COX7B2: variants seen among roughly 807,000 people sequenced by gnomAD.
COX7B2 encodes the protein cytochrome c oxidase subunit 7B2, mitochondrial.
For missense variants in COX7B2, 109 were observed against 95.9 expected (o/e 1.14, Z -0.57); for synonymous variants, 37 against 32.1 (o/e 1.15, Z -0.51).
intron 2 of COX7B2, among the ~76,000 whole-genome samples, chr4:46,808,651 T>C (rs1364007879): frequency 6.6e-6 from 1 of 151,866 alleles, no homozygotes; most frequent in African/African-American, 2.4e-5. Flanking sequence ...TTTCTCCCCA[T>C]TGATTATAAT....
intron 1 of COX7B2, among the ~76,000 whole-genome samples, chr4:46,886,645 GA>G (rs1719101798): frequency 6.6e-6 from 1 of 151,984 alleles, no homozygotes; most frequent in African/African-American, 2.4e-5. Flanking sequence ...TTTGACCTAA[GA>G]AAAGCAACTA....
At chr4:46,894,769 A>G (rs550213070) in intron 1 of COX7B2, among the ~76,000 whole-genome samples, 1 of 152,322 alleles carries the variant, frequency 6.6e-6, no homozygotes, top group East Asian at 1.9e-4. Flanking sequence ...CAGCATCTAT[A>G]AGGAACTTAA....
chr4:46,778,437 C>T lies in COX7B2; in HGVS notation c.-49-43196G>A, dbSNP rs915924396. Among the ~76,000 whole-genome samples the T allele has an allele frequency of 1.2e-4, 18 of 152,062 alleles. No individual in the cohort carries two copies. In the East Asian group the frequency reaches 3.3e-3, roughly 28 times the overall value. ...TTGGTATTTTCTTATGGTAACACTGCATTTCTAGGTAAATGCATGCAGGGT... is the reference window on the plus strand; with the variant it reads ...TTGGTATTTTCTTATGGTAACACTGTATTTCTAGGTAAATGCATGCAGGGT... On this transcript the variant is annotated intron_variant, in intron 2 of 2. Transcript: ENST00000355591.
At chr4:46,785,546 G>A (rs1717709505) in intron 2 of COX7B2, among the ~76,000 whole-genome samples, 1 of 151,918 alleles carries the variant, frequency 6.6e-6, no homozygotes, top group Non-Finnish European at 1.5e-5. Flanking sequence ...CTATGATACA[G>A]CAATTTGATG....
chr4:46,741,440 A>C (rs1409024933), intron 2 of COX7B2, among the ~76,000 whole-genome samples: 1 of 152,042 alleles, frequency 6.6e-6, no homozygotes, highest in African/African-American at 2.4e-5. Flanking sequence ...ACCTTGCTAA[A>C]TGTTACCTAG....
intron 2 of COX7B2, among the ~76,000 whole-genome samples, chr4:46,742,940 T>G (rs1411622542): frequency 6.6e-6 from 1 of 152,222 alleles, no homozygotes; most frequent in Non-Finnish European, 1.5e-5. Flanking sequence ...AGGCAGTTTC[T>G]TTTATGGAGC....
chr4:46,830,920 C>T (rs1158054227), intron 2 of COX7B2, among the ~76,000 whole-genome samples: 3 of 152,220 alleles, frequency 2.0e-5, no homozygotes, highest in Admixed American at 6.5e-5. Context: ...GCCTCCTAGG[C>T]GTCGGCGCCC....
chr4:46,900,151 A>G (rs569558296), intron 1 of COX7B2, among the ~76,000 whole-genome samples: 3 of 152,308 alleles, frequency 2.0e-5, no homozygotes, highest in Admixed American at 1.3e-4. Context: ...GGGATAGTTT[A>G]CCTAGTTACT....
chr4:46,804,453 G>T (rs1718864170), intron 2 of COX7B2, among the ~76,000 whole-genome samples: 1 of 152,002 alleles, frequency 6.6e-6, no homozygotes, highest in Non-Finnish European at 1.5e-5. Context: ...GTTGTGACAG[G>T]GTGCTGATTG....
At chr4:46,755,154 G>T (rs965264524) in intron 2 of COX7B2, among the ~76,000 whole-genome samples, 1 of 151,828 alleles carries the variant, frequency 6.6e-6, no homozygotes, top group Admixed American at 6.6e-5. Flanking sequence ...AATAAATGCT[G>T]TACATCACAT....
intron 1 of COX7B2, among the ~76,000 whole-genome samples, chr4:46,881,193 G>A (rs1028722438): frequency 5.3e-5 from 8 of 152,224 alleles, no homozygotes; most frequent in South Asian, 2.1e-4. Flanking sequence ...AAGACCTGAC[G>A]ACATGTGCCC....
At chr4:46,749,478 T>A (rs1715217917) in intron 2 of COX7B2, among the ~76,000 whole-genome samples, 1 of 152,042 alleles carries the variant, frequency 6.6e-6, no homozygotes, top group African/African-American at 2.4e-5. Flanking sequence ...ACATCCACAA[T>A]GAAAACTCTT....
intron 2 of COX7B2, among the ~76,000 whole-genome samples, chr4:46,760,987 C>T (rs1162193510): frequency 1.3e-5 from 2 of 152,148 alleles, no homozygotes; most frequent in African/African-American, 4.8e-5. Context: ...TCCTACTGGA[C>T]TTCCTGGGGA....
chr4:46,737,150 C>A (rs916254418), intron 2 of COX7B2, among the ~76,000 whole-genome samples: 3 of 152,072 alleles, frequency 2.0e-5, no homozygotes, highest in African/African-American at 4.8e-5. Flanking sequence ...CCATTCTAAT[C>A]GGTAAATAGG....
chr4:46,763,522 G>A lies in COX7B2; in HGVS notation c.-49-28281C>T, dbSNP rs114922033. ...AAACATGGCCTCCCATTCTGCTTCT[G>A]ACCATTTCTATTAAGTTCATGCACA... On this transcript the variant is annotated intron_variant, in intron 2 of 2. Transcript: ENST00000355591. Among the ~76,000 whole-genome samples the A allele has an allele frequency of 3.7e-3, 554 of 151,742 alleles. 4 individuals carry two copies. Among genetic ancestry groups the A allele is most frequent in the African/African-American group, 0.013 (528 of 41,376 alleles).
At chr4:46,740,658 T>G (rs1217258368) in intron 2 of COX7B2, among the ~76,000 whole-genome samples, 1 of 151,968 alleles carries the variant, frequency 6.6e-6, no homozygotes, top group Non-Finnish European at 1.5e-5. Flanking sequence ...ATGCCAAAAA[T>G]TTAAGATGTT....
At chr4:46,771,993 T>C (rs1334422094) in intron 2 of COX7B2, among the ~76,000 whole-genome samples, 2 of 152,152 alleles carry the variant, frequency 1.3e-5, no homozygotes, top group South Asian at 4.1e-4. Context: ...AACCTGTATC[T>C]CTTTCACTGT....
intron 1 of COX7B2, among the ~76,000 whole-genome samples, chr4:46,898,098 C>T (rs543229417): frequency 2.6e-5 from 4 of 152,236 alleles, no homozygotes; most frequent in Admixed American, 2.6e-4. Flanking sequence ...GTATCTCCTC[C>T]CTAGAATCCC....
intron 2 of COX7B2, among the ~76,000 whole-genome samples, chr4:46,832,162 C>T (rs1335857376): frequency 6.6e-6 from 1 of 152,154 alleles, no homozygotes; most frequent in African/African-American, 2.4e-5. Context: ...TCGCTCTTTG[C>T]TATAAATTTT....
Sources: allele counts gnomAD v4.1 joint callset (sites outside exome capture counted in the v4.1 genomes callset), GRCh38; gene constraint gnomAD v4.1.1; transcripts MANE v1.5; gene names NCBI Gene and HGNC (gene_info 2026-07-23, HGNC 2026-07-21).